The following NSMAF variants were observed in gnomAD, a reference collection of about 807,000 sequenced individuals.
NSMAF encodes protein FAN.
A neutral mutation model predicts 134.9 loss-of-function variants in NSMAF; 90 were observed. The ratio of observed to expected loss-of-function variants is 0.67; its 90% CI spans 0.56 to 0.79. The LOEUF is 0.79. NSMAF is among the 30% of genes least tolerant of loss of function. The pLI is 0.00. For synonymous variants in NSMAF, 358 were observed against 389.6 expected, an observed-to-expected ratio of 0.92 and a Z score of 0.96; for missense variants, 1,010 against 1,119.0, an observed-to-expected ratio of 0.90 and a Z score of 1.39.
intron 19 of NSMAF, 125 bp downstream of exon 19, chr8:58,599,107 G>C: frequency 1.1e-6 from 1 of 889,816 alleles, no homozygotes; most frequent in Non-Finnish European, 1.7e-6. Flanking sequence ...TTCCACTGAA[G>C]AAATAAGACT....
intron 1 of NSMAF, among the ~76,000 whole-genome samples, chr8:58,651,799 G>T (rs1807588677): frequency 6.6e-6 from 1 of 152,186 alleles, no homozygotes; most frequent in African/African-American, 2.4e-5. Flanking sequence ...ATCAACTGGG[G>T]ATCTTGTTAA....
intron 19 of NSMAF, 47 bp downstream of exon 19, chr8:58,599,171 AAAATGAATAATGCT>A: frequency 6.7e-7 from 1 of 1,502,388 alleles, no homozygotes; most frequent in South Asian, 1.3e-5. Flanking sequence ...TTTTCCAATG[AAAATGAATAATGCT>A]AAATATTCAC....
chr8:58,590,839 T>C (rs1035477520), intron 24 of NSMAF, 28 bp downstream of exon 24: 10 of 1,539,168 alleles, frequency 6.5e-6, no homozygotes, highest in Non-Finnish European at 8.9e-6. Flanking sequence ...CACGGATTTC[T>C]ATCATAATAC....
In NSMAF at chr8:58,659,280, G is replaced by C. The variant is rs936848558; in HGVS notation, c.59+293C>G. 6.6e-6 allele frequency: 10 copies of C among 1,514,626 alleles called. No homozygotes were observed. The highest frequency in any genetic ancestry group is 2.9e-5 in the African/African-American group (2 of 69,274). 93.8% of individuals were successfully genotyped at this position (1,514,626 alleles called of 1,614,324 possible). A position where few individuals can be genotyped will look rare whatever the true frequency, so the allele number is the denominator to read the frequency against. ...TCCGGGTGAGCTGCCCGCGGCCGCC[G>C]GGACCTGCACTGCCGGATAGCTCGG... On this transcript the variant is annotated intron_variant, in intron 1 of 30. Transcript: ENST00000038176.
chr8:58,604,595 T>C (rs1041230580), intron 12 of NSMAF, among the ~76,000 whole-genome samples: 1 of 150,326 alleles, frequency 6.7e-6, no homozygotes, highest in African/African-American at 2.4e-5. Context: ...TAAAATATGT[T>C]CCCTACTGAA....
chr8:58,596,197 G>A (rs1017102350), intron 21 of NSMAF, among the ~76,000 whole-genome samples: 1 of 152,200 alleles, frequency 6.6e-6, no homozygotes, highest in Non-Finnish European at 1.5e-5. Context: ...AGCATCACAA[G>A]ATAATCCTGT....
At chr8:58,606,979 A>G (rs1806424059) in intron 11 of NSMAF, among the ~76,000 whole-genome samples, 1 of 152,234 alleles carries the variant, frequency 6.6e-6, no homozygotes, top group African/African-American at 2.4e-5. Flanking sequence ...TTTTAATAGT[A>G]TCTGTTTCCC....
intron 6 of NSMAF, among the ~76,000 whole-genome samples, chr8:58,630,485 G>A (rs1273703344): frequency 6.6e-6 from 1 of 152,122 alleles, no homozygotes. Context: ...TTTAGAGGAA[G>A]GGCACCCCAG....
chr8:58,655,658 A>G, intron 1 of NSMAF, among the ~76,000 whole-genome samples: 1 of 152,190 alleles, frequency 6.6e-6, no homozygotes, highest in South Asian at 2.1e-4. Flanking sequence ...CTGTAATCCC[A>G]GCACTTTGGG....
chr8:58,648,560 C>G (rs1807513107), intron 1 of NSMAF, among the ~76,000 whole-genome samples: 1 of 152,204 alleles, frequency 6.6e-6, no homozygotes, highest in Non-Finnish European at 1.5e-5. Context: ...GGATGTCCCT[C>G]CCATCACAGA....
intron 1 of NSMAF, among the ~76,000 whole-genome samples, chr8:58,657,895 T>C (rs1308610947): frequency 6.6e-6 from 1 of 152,204 alleles, no homozygotes; most frequent in East Asian, 1.9e-4. Flanking sequence ...TGTTGTCTAA[T>C]CAATGAATTC....
chr8:58,639,312 G>C (rs1468316464), intron 2 of NSMAF, among the ~76,000 whole-genome samples: 1 of 151,154 alleles, frequency 6.6e-6, no homozygotes, highest in Middle Eastern at 3.2e-3. Context: ...AGAAGAAGAA[G>C]AAGAAGAAGA....
chr8:58,627,130 T>G (rs1377599055), intron 6 of NSMAF, among the ~76,000 whole-genome samples: 1 of 152,250 alleles, frequency 6.6e-6, no homozygotes, highest in Admixed American at 6.5e-5. Context: ...GATGTGTGGT[T>G]TGCGAAAATT....
chr8:58,620,400 G>C (rs1806759153), intron 9 of NSMAF, among the ~76,000 whole-genome samples: 2 of 152,176 alleles, frequency 1.3e-5, no homozygotes, highest in Admixed American at 1.3e-4. Context: ...AATTCAAGAT[G>C]CATCATCAAC....
rs748611704 is a variant in NSMAF, at chr8:58,605,976, A to G, written c.819T>C (p.Tyr273=). ...AGAGATCATCTCTATCTTGAGGTTCATAGAACTTTAGGTAGATGTCGGAAC... is the reference window on the plus strand; with the variant it reads ...AGAGATCATCTCTATCTTGAGGTTCGTAGAACTTTAGGTAGATGTCGGAAC... The part of the protein sequence containing the change: ...DLCSDIYLKF[Y]EPQDRDDLYF... Residue 273 remains tyrosine, a synonymous_variant, in exon 12 of 31, where the codon TAT becomes TAC. Transcript: ENST00000038176. The G allele has an allele frequency of 2.5e-6, 4 of 1,601,310 alleles. No homozygotes were observed. Among genetic ancestry groups the G allele is most frequent in the Admixed American group, 3.5e-5 (2 of 57,864 alleles).
rs780533130 is a variant in NSMAF at position 58,585,964 on chromosome 8, C to T, written c.2483G>A (p.Cys828Tyr). 3 of 1,613,962 alleles carry T rather than the reference C, an allele frequency of 1.9e-6. No homozygotes were observed. The highest frequency in any genetic ancestry group is 2.5e-6 in the Non-Finnish European group (3 of 1,180,012). ...TGTCTGCACATCAATGACATTAAGA[C>T]AGCCATCTGTTCCTGTGCTGAGGAC... Reference protein sequence around the residue: ...RHVLSTGTDGCLNVIDVQTGM... With the variant: ...RHVLSTGTDGYLNVIDVQTGM... Residue 828 changes from cysteine to tyrosine, a missense_variant, in exon 29 of 31, where the codon TGT becomes TAT. Transcript: ENST00000038176.
chr8:58,601,439 T>G lies in NSMAF; in HGVS notation c.1216+6A>C, dbSNP rs1241206990. On this transcript the variant is annotated splice_donor_region_variant and intron_variant, in intron 15 of 30. Transcript: ENST00000038176. Reference sequence around the variant, plus strand: ...TTTAATTGGGGGTAATGATAAAGAATCTTACCAATCCTAACAAGATAAAAA... The same window carrying G: ...TTTAATTGGGGGTAATGATAAAGAAGCTTACCAATCCTAACAAGATAAAAA... 3 of 1,612,210 alleles carry G rather than the reference T, an allele frequency of 1.9e-6. No individual in the cohort carries two copies.
intron 22 of NSMAF, 74 bp downstream of exon 22, chr8:58,595,486 A>G (rs1217289203): frequency 8.9e-6 from 9 of 1,014,724 alleles, no homozygotes; most frequent in Non-Finnish European, 1.4e-5. Context: ...AGCTTAAAAC[A>G]GTTTAATCCC....
intron 21 of NSMAF, 123 bp downstream of exon 21, chr8:58,597,264 G>A: frequency 1.2e-6 from 1 of 860,384 alleles, no homozygotes; most frequent in Non-Finnish European, 1.8e-6. Context: ...ACTGCAATAA[G>A]GCAGGAGAAC....
Sources: gnomAD v4.1 joint callset for allele counts (sites outside exome capture counted in the v4.1 genomes callset) on GRCh38, gnomAD v4.1.1 for gene constraint, MANE v1.5 for transcripts, NCBI Gene and HGNC (gene_info 2026-07-23, HGNC 2026-07-21) for gene names.